The following IL33 variants were observed in gnomAD, a reference collection of about 807,000 sequenced individuals.
The protein encoded by IL33 is interleukin-33.
Under a neutral mutation model 27.3 loss-of-function variants are expected in IL33, and 37 were observed. That is an observed-to-expected ratio of 1.36 (90% CI 1.04 to 1.78). IL33 has a LOEUF of 1.78. Among genes scored for constraint, IL33 ranks in the 40% most tolerant of loss-of-function variants. IL33 has a pLI of 0.00. For synonymous variants in IL33, 132 were observed against 102.9 expected (o/e 1.28, Z -1.71); for missense variants, 406 against 311.4 (o/e 1.30, Z -2.29).
At position 6,241,687 on chromosome 9, in the gene IL33, AC is replaced by A; in HGVS notation, c.-7del. 1 of 1,580,320 alleles carries A rather than the reference AC, an allele frequency of 6.3e-7. No individual in the cohort carries two copies. The highest frequency in any genetic ancestry group is 8.7e-7 in the Non-Finnish European group (1 of 1,154,948). On this transcript the variant is annotated 5_prime_UTR_variant, in exon 2 of 8. It adds an upstream start codon to the 5' untranslated region. Transcript: ENST00000682010. ...ATATTATATTTTAATCCAACAGAAT[AC>A]TGAAAAATGAAGCCTAAAATGAAGT...
In IL33 at chr9:6,256,675, A is replaced by G. The variant is rs1189555331; in HGVS notation, c.*507A>G. 1 of 215,934 alleles carries G rather than the reference A, an allele frequency of 4.6e-6. No individual in the cohort carries two copies. The highest frequency in any genetic ancestry group is 9.0e-6 in the Non-Finnish European group (1 of 111,092). 13.4% of individuals were successfully genotyped at this position (215,934 alleles called of 1,614,324 possible). A position where few individuals can be genotyped will look rare whatever the true frequency, so the allele number is the denominator to read the frequency against. On this transcript the variant is annotated 3_prime_UTR_variant, in exon 8 of 8. Coordinates refer to ENST00000682010, the MANE Select transcript of IL33 (RefSeq NM_033439.4). ...ATTTTTTCAACTGGAATAAAACACCAGGTTTGTTTGTAGATGTCTTAGGCA... is the reference window on the plus strand; with the variant it reads ...ATTTTTTCAACTGGAATAAAACACCGGGTTTGTTTGTAGATGTCTTAGGCA...
intron 1 of IL33, among the ~76,000 whole-genome samples, chr9:6,239,489 AC>A (rs1326265942): frequency 1.3e-5 from 2 of 152,078 alleles, no homozygotes; most frequent in Non-Finnish European, 2.9e-5. Context: ...CAAATGACAC[AC>A]CTAGTCCTAA....
rs1441810136 is a variant in IL33 at position 6,257,317 on chromosome 9, T to C, written c.*1149T>C. Reference sequence around the variant, plus strand: ...CTGTGGAATATTCATTTGACATCTGTCTCTTTTCATTTCTTTTAACTACCA... The same window carrying C: ...CTGTGGAATATTCATTTGACATCTGCCTCTTTTCATTTCTTTTAACTACCA... On this transcript the variant is annotated 3_prime_UTR_variant, in exon 8 of 8. Transcript: ENST00000682010. 6.6e-6 allele frequency: 1 copy of C among 152,346 alleles called. No individual in the cohort carries two copies. The highest frequency in any genetic ancestry group is 1.9e-4 in the East Asian group (1 of 5,196). The allele number at this position is 152,346 out of a possible 1,614,324, so 9.4% of individuals were successfully genotyped here. A position where few individuals can be genotyped will look rare whatever the true frequency, so the allele number is the denominator to read the frequency against.
At chr9:6,217,559 T>C (rs1468991712) in intron 1 of IL33, among the ~76,000 whole-genome samples, 2 of 152,166 alleles carry the variant, frequency 1.3e-5, no homozygotes, top group African/African-American at 4.8e-5. Context: ...CACTGTCAGT[T>C]TCAAATACAA....
At position 6,256,327 on chromosome 9, in the gene IL33, T is replaced by C. The variant is rs1186861919; in HGVS notation, c.*159T>C. 8.4e-6 allele frequency: 5 copies of C among 594,476 alleles called. No individual in the cohort carries two copies. Among genetic ancestry groups the C allele is most frequent in the Non-Finnish European group, 1.5e-5 (5 of 339,510 alleles). 36.8% of individuals were successfully genotyped at this position (594,476 alleles called of 1,614,324 possible). On this transcript the variant is annotated 3_prime_UTR_variant, in exon 8 of 8. Transcript: ENST00000682010. ...TTATGTATAAAAATATTTTTTCTAA[T>C]CCTCCAGTTATTCTTTTATTTCCCT...
chr9:6,220,404 C>T (rs1382571886), intron 1 of IL33, among the ~76,000 whole-genome samples: 1 of 152,216 alleles, frequency 6.6e-6, no homozygotes, highest in Admixed American at 6.5e-5. Flanking sequence ...AACAGAACTT[C>T]ATAGTTTTGT....
Position 6,250,507 on chromosome 9 carries a change from T to A in IL33, c.125T>A (p.Met42Lys). The change falls in exon 3 of 8, where the codon ATG becomes AAG. Residue 42 changes from methionine to lysine, a missense_variant. Transcript: ENST00000682010. The stretch of plus-strand genomic sequence containing the variant: ...CAGAAGGCCAAAGAAGTTTGCCCCA[T>A]GTACTTTATGAAGCTCCGCTCTGGC... ...SQQKAKEVCP[M>K]YFMKLRSGLM... The A allele has an allele frequency of 6.2e-7, 1 of 1,613,928 alleles. No homozygotes were observed. Among genetic ancestry groups the A allele is most frequent in the East Asian group, 2.2e-5 (1 of 44,862 alleles).
intron 1 of IL33, among the ~76,000 whole-genome samples, chr9:6,235,694 T>C (rs1819162205): frequency 6.6e-6 from 1 of 152,156 alleles, no homozygotes; most frequent in Non-Finnish European, 1.5e-5. Flanking sequence ...ACAATACACA[T>C]TTTTTAAAAG....
intron 7 of IL33, among the ~76,000 whole-genome samples, chr9:6,255,684 G>A (rs1424596768): frequency 6.6e-6 from 1 of 152,108 alleles, no homozygotes; most frequent in Non-Finnish European, 1.5e-5. Flanking sequence ...GATAGTACAT[G>A]TCAAAAGAAG....
At chr9:6,250,444 A>G (rs1337609774) in intron 2 of IL33, 30 bp from the exon 3 acceptor site, 1 of 1,608,868 alleles carries the variant, frequency 6.2e-7, no homozygotes, top group Non-Finnish European at 8.5e-7. Context: ...AATGGAATGA[A>G]ACAGTCTCAC....
intron 1 of IL33, among the ~76,000 whole-genome samples, chr9:6,222,315 T>C (rs1324863137): frequency 1.3e-5 from 2 of 152,206 alleles, no homozygotes; most frequent in Admixed American, 6.6e-5. Flanking sequence ...AATCTCATGC[T>C]TTCTACCCAG....
intron 4 of IL33, among the ~76,000 whole-genome samples, 199 bp from the exon 5 acceptor site, chr9:6,252,667 G>A (rs1033160500): frequency 1.3e-5 from 2 of 152,144 alleles, no homozygotes; most frequent in African/African-American, 4.8e-5. Flanking sequence ...CTTCATGCAG[G>A]ACACTAGCAC....
intron 4 of IL33, 142 bp downstream of exon 4, chr9:6,251,407 C>A: frequency 8.0e-7 from 1 of 1,243,810 alleles, no homozygotes; most frequent in Non-Finnish European, 1.1e-6. Context: ...GCTGATGTAC[C>A]CATCTAATAG....
rs2130427547 is a variant in IL33, at chr9:6,251,274, GGT to G, written c.343+10_343+11del. The G allele has an allele frequency of 6.2e-7, 1 of 1,612,420 alleles. No homozygotes were observed. The highest frequency in any genetic ancestry group is 2.2e-5 in the East Asian group (1 of 44,838). ...TGATTCAAGTATCACAGGTATGACT[GGT>G]TACAGGGGTGATGTGGGAGTGAGGA... On this transcript the variant is annotated intron_variant, in intron 4 of 7. Transcript: ENST00000682010.
At chr9:6,243,890 C>G (rs1819677055) in intron 2 of IL33, among the ~76,000 whole-genome samples, 1 of 152,104 alleles carries the variant, frequency 6.6e-6, no homozygotes, top group Non-Finnish European at 1.5e-5. Flanking sequence ...TGTGGCCCAC[C>G]CACACTGTTC....
chr9:6,248,781 G>GT (rs886762757), intron 2 of IL33, among the ~76,000 whole-genome samples: 2 of 151,482 alleles, frequency 1.3e-5, no homozygotes, highest in Non-Finnish European at 2.9e-5. Context: ...GTCTTACTGT[G>GT]TTGCCCAGGC....
At chr9:6,217,699 A>G (rs1469653140) in intron 1 of IL33, among the ~76,000 whole-genome samples, 1 of 152,156 alleles carries the variant, frequency 6.6e-6, no homozygotes, top group East Asian at 1.9e-4. Context: ...TCCTTTGAAG[A>G]TTGTTTTCTT....
chr9:6,233,014 A>G (rs1818999939), intron 1 of IL33, among the ~76,000 whole-genome samples: 2 of 152,196 alleles, frequency 1.3e-5, no homozygotes, highest in Non-Finnish European at 2.9e-5. Flanking sequence ...AACATACATA[A>G]TATAAAATTT....
chr9:6,221,891 A>G (rs899292695), intron 1 of IL33, among the ~76,000 whole-genome samples: 1 of 152,226 alleles, frequency 6.6e-6, no homozygotes, highest in Non-Finnish European at 1.5e-5. Flanking sequence ...GAGGTGTTTA[A>G]CAGAGTCTTT....
Sources: gnomAD v4.1 joint callset for allele counts (sites outside exome capture counted in the v4.1 genomes callset) on GRCh38, gnomAD v4.1.1 for gene constraint, MANE v1.5 for transcripts, NCBI Gene and HGNC (gene_info 2026-07-23, HGNC 2026-07-21) for gene names.